PARD6G: variants seen among roughly 807,000 people sequenced by gnomAD.
The protein encoded by PARD6G is partitioning defective 6 homolog gamma.
PARD6G carries 7 observed loss-of-function variants against 10.7 expected under a neutral mutation model. The ratio of observed to expected loss-of-function variants is 0.66; its 90% CI spans 0.37 to 1.23. The LOEUF is 1.23. Ranked by LOEUF, PARD6G falls within the 50% of genes most tolerant of loss-of-function variation. The probability of loss-of-function intolerance (pLI) is 0.02; values close to 1 mark genes in which losing one functional copy is unlikely to be tolerated. For synonymous variants in PARD6G, 287 were observed against 269.4 expected, an observed-to-expected ratio of 1.07 and a Z score of -0.64; for missense variants, 548 against 571.8, an observed-to-expected ratio of 0.96 and a Z score of 0.42.
intron 1 of PARD6G, among the ~76,000 whole-genome samples, chr18:80,237,152 G>T (rs976158963): frequency 6.6e-6 from 1 of 152,088 alleles, no homozygotes; most frequent in Non-Finnish European, 1.5e-5. Flanking sequence ...CAAAAAAAGA[G>T]ATATAGACCA....
Position 80,160,522 on chromosome 18 carries a change from CG to C in PARD6G, c.379del (p.Arg127GlyfsTer56). The C allele has an allele frequency of 6.6e-7, 1 of 1,518,460 alleles. No individual in the cohort carries two copies. The allele number at this position is 1,518,460 out of a possible 1,614,324, so 94.1% of individuals were successfully genotyped here. A position where few individuals can be genotyped will look rare whatever the true frequency, so the allele number is the denominator to read the frequency against. ...GCCGATGTCCAGGTGTGCACGCCGC[CG>C]GGGTCCTTCATCACGCAGCGCGCCC... Reference protein sequence around the residue: ...ALGALRDEGPRRRAHLDIGLP... With the variant: ...ALGALRDEGPXRRAHLDIGLP... On this transcript the variant is annotated frameshift_variant, in exon 3 of 3. Coordinates refer to ENST00000353265, the MANE Select transcript of PARD6G (RefSeq NM_032510.4). LOFTEE classifies it low-confidence loss of function (END_TRUNC).
At chr18:80,193,059 T>C (rs781445610) in intron 2 of PARD6G, among the ~76,000 whole-genome samples, 12 of 152,162 alleles carry the variant, frequency 7.9e-5, no homozygotes, top group Admixed American at 2.0e-4. Context: ...GTCTCTGAGC[T>C]GTACTCTTTC....
At position 80,175,905 on chromosome 18, in the gene PARD6G, CA is replaced by C. The variant is rs2052805470; in HGVS notation, c.296-15300del. On this transcript the variant is annotated intron_variant, in intron 2 of 2. Transcript: ENST00000353265. The surrounding 1 kb of genome is among the most constrained non-coding windows in gnomAD (Gnocchi z 6.7). ...GTGGTACCTCTAAATCCAAAAACTC[CA>C]AATGTCCACCAGCTCCAGTCACATT... 1 of 167,122 alleles carries C rather than the reference CA, an allele frequency of 6.0e-6. No individual in the cohort carries two copies. 10.4% of individuals were successfully genotyped at this position (167,122 alleles called of 1,614,324 possible).
chr18:80,229,235 G>A (rs1202591754), intron 1 of PARD6G, among the ~76,000 whole-genome samples: 1 of 152,182 alleles, frequency 6.6e-6, no homozygotes, highest in Non-Finnish European at 1.5e-5. Context: ...ACCACAATTG[G>A]CCAGAAGTGG....
At chr18:80,223,363 G>C (rs79929208) in intron 1 of PARD6G, among the ~76,000 whole-genome samples, 1,914 of 152,288 alleles carry the variant, frequency 0.013, 9 homozygotes, top group Non-Finnish European at 0.021. Context: ...TTGCAAATCA[G>C]ATCTCTGATA....
intron 2 of PARD6G, among the ~76,000 whole-genome samples, chr18:80,166,268 C>T (rs542667014): frequency 1.3e-5 from 2 of 151,148 alleles, no homozygotes; most frequent in South Asian, 4.2e-4. Context: ...GCACACCACC[C>T]CAATCATGAG....
rs1967563403 is a variant in PARD6G at position 80,247,219 on chromosome 18, C to T, written c.72+58G>A. 3.6e-6 allele frequency: 5 copies of T among 1,401,132 alleles called. No individual in the cohort carries two copies. The highest frequency in any genetic ancestry group is 4.9e-6 in the Non-Finnish European group (5 of 1,024,544). 86.8% of individuals were successfully genotyped at this position (1,401,132 alleles called of 1,614,324 possible). A position where few individuals can be genotyped will look rare whatever the true frequency, so the allele number is the denominator to read the frequency against. On this transcript the variant is annotated intron_variant, in intron 1 of 2. Transcript: ENST00000353265. The surrounding 1 kb of genome is among the most constrained non-coding windows in gnomAD (Gnocchi z 4.2). ...CGCCCCAGTCCCCCTCCGCGGGGCG[C>T]CCCATTCATTAGCCAGGAGACTGGG...
At chr18:80,163,925 G>A (rs953614250) in intron 2 of PARD6G, among the ~76,000 whole-genome samples, 23 of 152,190 alleles carry the variant, frequency 1.5e-4, no homozygotes, top group African/African-American at 3.4e-4. Flanking sequence ...CCTCAGGACC[G>A]GAGAAGCAAC....
intron 2 of PARD6G, among the ~76,000 whole-genome samples, chr18:80,195,564 T>TATATATATATATATATATATATATAC (rs1966946419): frequency 8.8e-6 from 1 of 113,236 alleles, no homozygotes; most frequent in Admixed American, 9.4e-5. Flanking sequence ...TATATATATA[T>TATATATATATATATATATATATATAC]ATATATATAC....
rs1297198801 is a variant in PARD6G at position 80,188,162 on chromosome 18, T to G, written c.295+14548A>C. 6.6e-6 allele frequency among the ~76,000 whole-genome samples: 1 copy of G among 152,206 alleles called. No individual in the cohort carries two copies. Among genetic ancestry groups the G allele is most frequent in the East Asian group, 1.9e-4 (1 of 5,194 alleles). ...TCCCTCTCATTTTACAGTATTTCTA[T>G]CCCTCCTCAGTCTCTGCTACAGTTA... On this transcript the variant is annotated intron_variant, in intron 2 of 2. Transcript: ENST00000353265. This position sits in a 1 kb window ranked among gnomAD's most constrained non-coding sequence, Gnocchi z 5.4.
chr18:80,199,546 G>A (rs1247103366), intron 2 of PARD6G, among the ~76,000 whole-genome samples: 1 of 152,204 alleles, frequency 6.6e-6, no homozygotes, highest in Non-Finnish European at 1.5e-5. Context: ...TTTTGCTGAA[G>A]GGTTTTTACA....
rs146327809 is a variant in PARD6G, at chr18:80,160,087, C to T, written c.815G>A (p.Gly272Asp). 4.1e-5 allele frequency: 65 copies of T among 1,592,394 alleles called. No homozygotes were observed. In the African/African-American group the frequency reaches 6.4e-4, roughly 16 times the overall value. The change falls in exon 3 of 3, where the codon GGC (glycine) becomes GAC (aspartate). Residue 272 changes from glycine to aspartate, a missense_variant. Physicochemically the swap from Gly to Asp is moderately conservative, Grantham distance 94. Transcript: ENST00000353265. Reference protein sequence around the residue: ...ALGSSGPPSDGTAGFVGPPAP... With the variant: ...ALGSSGPPSDDTAGFVGPPAP... ...GGGGGGACCCACGAAGCCCGCGGTG[C>T]CGTCCGAGGGCGGTCCCGAGCTGCC...
Position 80,159,458 on chromosome 18 carries a change from A to C in PARD6G, c.*313T>G. On this transcript the variant is annotated 3_prime_UTR_variant, in exon 3 of 3. Coordinates refer to ENST00000353265, the MANE Select transcript of PARD6G (RefSeq NM_032510.4). Reference sequence around the variant, plus strand: ...AGTAATTTTAAAGCTTCACTTTAAAAACAAAGTATTTGTAAAAATTTTAAA... The same window carrying C: ...AGTAATTTTAAAGCTTCACTTTAAACACAAAGTATTTGTAAAAATTTTAAA... The C allele has an allele frequency of 3.5e-6, 1 of 283,370 alleles. No individual in the cohort carries two copies. The highest frequency in any genetic ancestry group is 6.4e-6 in the Non-Finnish European group (1 of 155,126). The allele number at this position is 283,370 out of a possible 1,614,324, so 17.6% of individuals were successfully genotyped here. A position where few individuals can be genotyped will look rare whatever the true frequency, so the allele number is the denominator to read the frequency against.
At chr18:80,167,697 G>A (rs1393807186) in intron 2 of PARD6G, among the ~76,000 whole-genome samples, 4 of 152,036 alleles carry the variant, frequency 2.6e-5, no homozygotes, top group Non-Finnish European at 4.4e-5. Context: ...TGGGAACATG[G>A]CCTAAGATGA....
rs1255035986 is a variant in PARD6G, at chr18:80,180,907, C to T, written c.296-20301G>A. ...CTCCTGGTATCTAGACAGCAGAGGC[C>T]GGGGCACCGATAGCTCTCCACATGC... On this transcript the variant is annotated intron_variant, in intron 2 of 2. Transcript: ENST00000353265. The surrounding 1 kb of genome is among the most constrained non-coding windows in gnomAD (Gnocchi z 5.6). Among the ~76,000 whole-genome samples, 1 of 152,160 alleles carries T rather than the reference C, an allele frequency of 6.6e-6. No individual in the cohort carries two copies. The highest frequency in any genetic ancestry group is 6.5e-5 in the Admixed American group (1 of 15,284).
intron 1 of PARD6G, among the ~76,000 whole-genome samples, chr18:80,212,884 C>A (rs1184679625): frequency 1.4e-5 from 2 of 147,024 alleles, no homozygotes; most frequent in African/African-American, 2.5e-5. Flanking sequence ...GACCCCATCT[C>A]AAAAAAAAAA....
intron 2 of PARD6G, among the ~76,000 whole-genome samples, chr18:80,191,299 G>A (rs767486248): frequency 6.6e-6 from 1 of 152,148 alleles, no homozygotes; most frequent in African/African-American, 2.4e-5. Flanking sequence ...GCCCAGATGC[G>A]TGGCCACAGC....
At position 80,189,499 on chromosome 18, in the gene PARD6G, C is replaced by T. The variant is rs2096150142; in HGVS notation, c.295+13211G>A. 1 of 152,210 alleles carries T rather than the reference C, an allele frequency of 6.6e-6. No individual in the cohort carries two copies. Among genetic ancestry groups the T allele is most frequent in the South Asian group, 2.1e-4 (1 of 4,824 alleles). 9.4% of individuals were successfully genotyped at this position (152,210 alleles called of 1,614,324 possible). A position where few individuals can be genotyped will look rare whatever the true frequency, so the allele number is the denominator to read the frequency against. On this transcript the variant is annotated intron_variant, in intron 2 of 2. Transcript: ENST00000353265. The surrounding 1 kb of genome is among the most constrained non-coding windows in gnomAD (Gnocchi z 5.5). ...CTCCTGGGGCTCCTCAAGGGGCCAGCATGAAATACCAATGGGCAAAACACC... is the reference window on the plus strand; with the variant it reads ...CTCCTGGGGCTCCTCAAGGGGCCAGTATGAAATACCAATGGGCAAAACACC...
Position 80,162,028 on chromosome 18 carries a change from A to G in PARD6G, c.296-1422T>C, listed in dbSNP as rs530163129. On this transcript the variant is annotated intron_variant, in intron 2 of 2. Coordinates refer to ENST00000353265, the MANE Select transcript of PARD6G (RefSeq NM_032510.4). ...CACATCTCTCAACCCAGCAGAGCCC[A>G]TGGCTGCCTAGACAACGAGAAGGCC... 3.3e-5 allele frequency: 5 copies of G among 152,388 alleles called. No individual in the cohort carries two copies. The South Asian group carries it at 1.0e-3, about 32-fold the overall frequency. The allele number at this position is 152,388 out of a possible 1,614,324, so 9.4% of individuals were successfully genotyped here.
Sources: gnomAD v4.1 joint callset for allele counts (sites outside exome capture counted in the v4.1 genomes callset) on GRCh38, gnomAD v4.1.1 for gene constraint, Gnocchi (gnomAD v3.1) non-coding constraint, MANE v1.5 for transcripts, NCBI Gene and HGNC (gene_info 2026-07-23, HGNC 2026-07-21) for gene names.